The following ITGA4 variants were observed in gnomAD, a reference collection of about 807,000 sequenced individuals.
ITGA4 encodes the protein integrin subunit alpha 4, also known as integrin alpha-4.
ITGA4 carries 63 observed loss-of-function variants against 133.6 expected under a neutral mutation model. The ratio of observed to expected loss-of-function variants is 0.47; its 90% confidence interval spans 0.38 to 0.58. The LOEUF is 0.58. Among genes scored for constraint, ITGA4 ranks in the 20% least tolerant of loss-of-function variants. ITGA4 has a pLI of 0.00. For synonymous variants in ITGA4, 483 were observed against 438.0 expected, an observed-to-expected ratio of 1.10 and a Z score of -1.28; for missense variants, 1,076 against 1,252.7, an observed-to-expected ratio of 0.86 and a Z score of 2.13.
rs1003150473 is a variant in ITGA4, at chr2:181,516,061, G to A, written c.1922+4286G>A. ...GTCTAAATGCTTAGGACAATAAACTGCATTTATAAAGGACTTGCAGTGCAA... is the reference window on the plus strand; with the variant it reads ...GTCTAAATGCTTAGGACAATAAACTACATTTATAAAGGACTTGCAGTGCAA... On this transcript the variant is annotated intron_variant, in intron 17 of 27. Coordinates refer to ENST00000397033, the MANE Select transcript of ITGA4 (RefSeq NM_000885.6). This position sits in a 1 kb window ranked among gnomAD's most constrained non-coding sequence, Gnocchi z 4.0. Among the ~76,000 whole-genome samples the A allele has an allele frequency of 3.3e-5, 5 of 151,968 alleles. No homozygotes were observed. The highest frequency in any genetic ancestry group is 5.9e-5 in the Non-Finnish European group (4 of 67,972).
intron 25 of ITGA4, among the ~76,000 whole-genome samples, chr2:181,532,897 T>A (rs964544170): frequency 6.6e-6 from 1 of 152,172 alleles, no homozygotes; most frequent in South Asian, 2.1e-4. Flanking sequence ...ATAGCTCTTA[T>A]TGAGATATGT....
intron 2 of ITGA4, among the ~76,000 whole-genome samples, chr2:181,463,528 C>T (rs537931351): frequency 3.9e-5 from 6 of 152,158 alleles, no homozygotes; most frequent in African/African-American, 1.4e-4. Context: ...GGAGATAGCA[C>T]TTGGTAATTA....
Position 181,536,734 on chromosome 2 carries a change from G to A in ITGA4, c.*1207G>A, listed in dbSNP as rs1687126102. 4.1e-6 allele frequency: 1 copy of A among 246,500 alleles called. No individual in the cohort carries two copies. Among genetic ancestry groups the A allele is most frequent in the South Asian group, 4.7e-5 (1 of 21,234 alleles). 15.3% of individuals were successfully genotyped at this position (246,500 alleles called of 1,614,324 possible). On this transcript the variant is annotated 3_prime_UTR_variant, in exon 28 of 28. Coordinates refer to ENST00000397033, the MANE Select transcript of ITGA4 (RefSeq NM_000885.6). ...TACTATATGAGGTTCTATTTTAAAT[G>A]ACTTTCTGGATTTTAAAAAATTTCT...
chr2:181,524,156 G>C lies in ITGA4; in HGVS notation c.2170-15G>C, dbSNP rs374021601. 6.4e-7 allele frequency: 1 copy of C among 1,555,124 alleles called. No homozygotes were observed. The highest frequency in any genetic ancestry group is 8.7e-7 in the Non-Finnish European group (1 of 1,144,874). On this transcript the variant is annotated splice_polypyrimidine_tract_variant and intron_variant, in intron 19 of 27. Coordinates refer to ENST00000397033, the MANE Select transcript of ITGA4 (RefSeq NM_000885.6). ...AGATTTTTTTTAATGGGCTTTCCTG[G>C]TCTGTGTTTTACAGATAGATATTAG... is the stretch of plus-strand genomic sequence containing the variant.
intron 25 of ITGA4, among the ~76,000 whole-genome samples, chr2:181,532,972 T>C (rs1237288591): frequency 6.6e-6 from 1 of 152,196 alleles, no homozygotes; most frequent in Non-Finnish European, 1.5e-5. Flanking sequence ...ATTGAAGCCC[T>C]TTTATTTTAA....
intron 23 of ITGA4, 142 bp downstream of exon 23, chr2:181,529,790 C>CCATG (rs2105771038): frequency 1.8e-6 from 1 of 556,092 alleles, no homozygotes; most frequent in African/African-American, 1.9e-5. Flanking sequence ...TATGAATTCA[C>CCATG]CATGCATTTA....
chr2:181,485,821 A>T (rs1685901501), intron 9 of ITGA4, 60 bp from the exon 10 acceptor site: 1 of 1,381,082 alleles, frequency 7.2e-7, no homozygotes, highest in Non-Finnish European at 1.0e-6. Context: ...TACAACAGTA[A>T]ATCGTGTAAA....
intron 6 of ITGA4, among the ~76,000 whole-genome samples, chr2:181,481,162 A>T (rs1685793201): frequency 6.6e-6 from 1 of 152,190 alleles, no homozygotes; most frequent in African/African-American, 2.4e-5. Context: ...GCCTTTTATC[A>T]CATAAAATAC....
chr2:181,536,325 A>C lies in ITGA4; in HGVS notation c.*798A>C, dbSNP rs1364694016. ...CCTTTATCAAGCATACCCAGGAGTA[A>C]TCTTCAAATCTTTTGTTATATTCTG... is the stretch of plus-strand genomic sequence containing the variant. On this transcript the variant is annotated 3_prime_UTR_variant, in exon 28 of 28. Coordinates refer to ENST00000397033, the MANE Select transcript of ITGA4 (RefSeq NM_000885.6). The C allele has an allele frequency of 6.6e-6, 1 of 152,112 alleles. No individual in the cohort carries two copies. The highest frequency in any genetic ancestry group is 1.5e-5 in the Non-Finnish European group (1 of 68,000). 9.4% of individuals were successfully genotyped at this position (152,112 alleles called of 1,614,324 possible).
chr2:181,480,974 T>G (rs1317839045), intron 6 of ITGA4, among the ~76,000 whole-genome samples: 5 of 152,158 alleles, frequency 3.3e-5, no homozygotes, highest in Non-Finnish European at 7.4e-5. Context: ...CAGCTTTGTT[T>G]AAACTGTATG....
Position 181,495,999 on chromosome 2 carries a change from C to A in ITGA4, c.1540+62C>A, listed in dbSNP as rs1161330116. 2.0e-6 allele frequency: 3 copies of A among 1,537,812 alleles called. No homozygotes were observed. Among genetic ancestry groups the A allele is most frequent in the South Asian group, 1.2e-5 (1 of 85,176 alleles). ...GCGGTTCATTCATTAATCCCACAAT[C>A]CTGCTTGGAGCCCTCACCGGTTTTC... On this transcript the variant is annotated intron_variant, in intron 14 of 27. Transcript: ENST00000397033. This position sits in a 1 kb window ranked among gnomAD's most constrained non-coding sequence, Gnocchi z 4.3.
Position 181,534,858 on chromosome 2 carries a change from T to G in ITGA4, c.2926T>G (p.Phe976Val). 1.2e-6 allele frequency: 2 copies of G among 1,602,660 alleles called. No homozygotes were observed. Among genetic ancestry groups the G allele is most frequent in the Non-Finnish European group, 1.7e-6 (2 of 1,176,286 alleles). Reference sequence around the variant, plus strand: ...ACATCATCAAAGACCCAAACGTTATTTCACCATAGTGATTATTTCAAGTAG... The same window carrying G: ...ACATCATCAAAGACCCAAACGTTATGTCACCATAGTGATTATTTCAAGTAG... ...GLHHQRPKRY[F>V]TIVIISSSLL... Residue 976 changes from phenylalanine to valine, a missense_variant, in exon 27 of 28, where the codon TTC becomes GTC. Phe to Val is a conservative substitution (Grantham distance 50, BLOSUM62 -1). Coordinates refer to ENST00000397033, the MANE Select transcript of ITGA4 (RefSeq NM_000885.6).
intron 6 of ITGA4, 56 bp from the exon 7 acceptor site, chr2:181,481,542 A>T (rs1376950699): frequency 1.2e-6 from 1 of 820,178 alleles, no homozygotes; most frequent in African/African-American, 1.7e-5. Flanking sequence ...TTTTACCCAT[A>T]TTACCATATG....
chr2:181,486,454 G>C (rs912785370), intron 10 of ITGA4: 2 of 152,860 alleles, frequency 1.3e-5, no homozygotes, highest in African/African-American at 4.8e-5. Context: ...CTGGAGCAGG[G>C]TTCTGGAAGC....
chr2:181,534,435 A>G, intron 26 of ITGA4, 65 bp downstream of exon 26: 1 of 973,568 alleles, frequency 1.0e-6, no homozygotes. Flanking sequence ...GGTGTCTATA[A>G]TTACTTCCTT....
intron 2 of ITGA4, among the ~76,000 whole-genome samples, chr2:181,470,817 G>C (rs1456643276): frequency 6.6e-6 from 1 of 152,160 alleles, no homozygotes; most frequent in African/African-American, 2.4e-5. Context: ...TGAGGCTGCA[G>C]TGAGCTATGA....
chr2:181,458,676 T>C, intron 2 of ITGA4: 1 of 242,314 alleles, frequency 4.1e-6, no homozygotes, highest in Admixed American at 4.7e-5. Context: ...GAGAATTTTA[T>C]TTCCATCTTT....
chr2:181,490,455 ATTT>A (rs5836792), intron 10 of ITGA4, among the ~76,000 whole-genome samples: 1 of 145,426 alleles, frequency 6.9e-6, no homozygotes, highest in Admixed American at 6.8e-5. Flanking sequence ...ACATGATTTC[ATTT>A]TTTTTTTTTA....
chr2:181,478,619 A>G (rs961651151), intron 4 of ITGA4, 138 bp from the exon 5 acceptor site: 15 of 426,836 alleles, frequency 3.5e-5, no homozygotes, highest in African/African-American at 3.1e-4. Context: ...GATTTGTTAT[A>G]TCAAGGTTAC....
Sources: gnomAD v4.1 joint callset for allele counts (sites outside exome capture counted in the v4.1 genomes callset) on GRCh38, gnomAD v4.1.1 for gene constraint, Gnocchi (gnomAD v3.1) non-coding constraint, MANE v1.5 for transcripts, NCBI Gene and HGNC (gene_info 2026-07-23, HGNC 2026-07-21) for gene names.